CCN2: variants seen among roughly 807,000 people sequenced by gnomAD.
CCN2 encodes cellular communication network factor 2.
CCN2 carries 22 observed loss-of-function variants against 33.2 expected under a neutral mutation model. That is an observed-to-expected ratio of 0.66 (90% CI 0.47 to 0.95). The LOEUF (loss-of-function observed/expected upper bound fraction) is 0.95, where lower values mean the gene tolerates loss of function less well. Ranked by LOEUF, CCN2 falls within the 40% of genes least tolerant of loss-of-function variation. The pLI is 0.00. For missense variants in CCN2, 469 were observed against 498.8 expected (o/e 0.94, Z 0.57); for synonymous variants, 178 against 200.6 (o/e 0.89, Z 0.95).
chr6:131,951,322 A>T lies in CCN2; in HGVS notation c.-150T>A, dbSNP rs896719539. ...GCCGGGGCGGCTGCCGTCGAGCTGGAGGGTGGAGTCGCACTGGCTGTCTCC... is the reference window on the plus strand; with the variant it reads ...GCCGGGGCGGCTGCCGTCGAGCTGGTGGGTGGAGTCGCACTGGCTGTCTCC... On this transcript the variant is annotated 5_prime_UTR_variant, in exon 1 of 5. Coordinates refer to ENST00000367976, the MANE Select transcript of CCN2 (RefSeq NM_001901.4). The T allele has an allele frequency of 8.6e-6, 5 of 578,290 alleles. No individual in the cohort carries two copies. The highest frequency in any genetic ancestry group is 1.3e-5 in the Non-Finnish European group (5 of 397,918). 35.8% of individuals were successfully genotyped at this position (578,290 alleles called of 1,614,324 possible).
At position 131,950,873 on chromosome 6, in the gene CCN2, C is replaced by T. The variant is rs775004398; in HGVS notation, c.186G>A (p.Lys62=). 2.5e-5 allele frequency: 39 copies of T among 1,532,456 alleles called. No homozygotes were observed. The highest frequency in any genetic ancestry group is 3.1e-5 in the Non-Finnish European group (36 of 1,146,306). The allele number at this position is 1,532,456 out of a possible 1,614,324, so 94.9% of individuals were successfully genotyped here. A position where few individuals can be genotyped will look rare whatever the true frequency, so the allele number is the denominator to read the frequency against. The change falls in exon 2 of 5, where the codon AAG becomes AAA. Residue 62 remains lysine (K), a synonymous_variant. Coordinates refer to ENST00000367976, the MANE Select transcript of CCN2 (RefSeq NM_001901.4). The surrounding 1 kb of genome is among the most constrained non-coding windows in gnomAD (Gnocchi z 7.1). ...GCTCGGTGCACAGCTCGCCCAGCTG[C>T]TTGGCGCAGACGCGGCAGCAGCCGC... ...DGCGCCRVCA[K]QLGELCTERD...
Position 131,950,274 on chromosome 6 carries a change from G to C in CCN2, c.541+18C>G, listed in dbSNP as rs1312460189. The C allele has an allele frequency of 6.2e-7, 1 of 1,612,070 alleles. No homozygotes were observed. Among genetic ancestry groups the C allele is most frequent in the South Asian group, 1.1e-5 (1 of 91,016 alleles). On this transcript the variant is annotated intron_variant, in intron 3 of 4. Coordinates refer to ENST00000367976, the MANE Select transcript of CCN2 (RefSeq NM_001901.4). The surrounding 1 kb of genome is among the most constrained non-coding windows in gnomAD (Gnocchi z 7.1). The stretch of plus-strand genomic sequence containing the variant: ...GGGAGAGAATCACGACCCTGACTTA[G>C]AGGAAGACTCGACTCACCCGCGAGG...
Position 131,950,389 on chromosome 6 carries a change from G to A in CCN2, c.444C>T (p.Cys148=), listed in dbSNP as rs749700962. The A allele has an allele frequency of 1.9e-6, 3 of 1,614,108 alleles. No homozygotes were observed. Among genetic ancestry groups the A allele is most frequent in the African/African-American group, 1.3e-5 (1 of 75,052 alleles). Reference sequence around the variant, plus strand: ...GCAGCTTGACCCTCCTCGGGAAGGGGCAGTCAGGGCTGGGCAGACGAACGT... The same window carrying A: ...GCAGCTTGACCCTCCTCGGGAAGGGACAGTCAGGGCTGGGCAGACGAACGT... The part of the protein sequence containing the change: ...SMDVRLPSPD[C]PFPRRVKLPG... Residue 148 remains cysteine, a synonymous_variant, in exon 3 of 5, where the codon TGC becomes TGT. Coordinates refer to ENST00000367976, the MANE Select transcript of CCN2 (RefSeq NM_001901.4). This position sits in a 1 kb window ranked among gnomAD's most constrained non-coding sequence, Gnocchi z 7.1.
chr6:131,950,787 T>C lies in CCN2; in HGVS notation c.272A>G (p.Lys91Arg). 1 of 1,545,274 alleles carries C rather than the reference T, an allele frequency of 6.5e-7. No individual in the cohort carries two copies. Among genetic ancestry groups the C allele is most frequent in the Non-Finnish European group, 8.7e-7 (1 of 1,152,780 alleles). Residue 91 changes from lysine to arginine, a missense_variant, in exon 2 of 5, where the codon AAG becomes AGG. Transcript: ENST00000367976. The surrounding 1 kb of genome is among the most constrained non-coding windows in gnomAD (Gnocchi z 7.1). The part of the protein sequence containing the change: ...FCHFGSPANR[K>R]IGVCTAKDGA... The stretch of plus-strand genomic sequence containing the variant: ...GGTCTTACCGGTGCACACGCCGATC[T>C]TGCGGTTGGCCGGGGAGCCGAAGTG...
chr6:131,950,349 C>G lies in CCN2; in HGVS notation c.484G>C (p.Glu162Gln), dbSNP rs959044702. 2 of 1,614,178 alleles carry G rather than the reference C, an allele frequency of 1.2e-6. No homozygotes were observed. The highest frequency in any genetic ancestry group is 2.7e-5 in the African/African-American group (2 of 75,054). Reference protein sequence around the residue: ...RRVKLPGKCCEEWVCDEPKDQ... With the variant: ...RRVKLPGKCCQEWVCDEPKDQ... ...TTGGGCTCGTCACACACCCACTCCT[C>G]GCAGCATTTCCCGGGCAGCTTGACC... The change falls in exon 3 of 5, where the codon GAG becomes CAG. Residue 162 changes from glutamate (E) to glutamine (Q), a missense_variant. Physicochemically the swap from Glu to Gln is conservative, Grantham distance 29 (BLOSUM62 2). Coordinates refer to ENST00000367976, the MANE Select transcript of CCN2 (RefSeq NM_001901.4). The surrounding 1 kb of genome is among the most constrained non-coding windows in gnomAD (Gnocchi z 7.1).
Position 131,950,652 on chromosome 6 carries a change from G to T in CCN2, c.290-109C>A. On this transcript the variant is annotated intron_variant, in intron 2 of 4. Coordinates refer to ENST00000367976, the MANE Select transcript of CCN2 (RefSeq NM_001901.4). The surrounding 1 kb of genome is among the most constrained non-coding windows in gnomAD (Gnocchi z 7.1). ...CGAGTTGGGATCTGGGCTGCAGGGGGCGGGCTGGCAGCAGCTGGAGAAAGA... is the reference window on the plus strand; with the variant it reads ...CGAGTTGGGATCTGGGCTGCAGGGGTCGGGCTGGCAGCAGCTGGAGAAAGA... 1 of 1,523,308 alleles carries T rather than the reference G, an allele frequency of 6.6e-7. No individual in the cohort carries two copies. The highest frequency in any genetic ancestry group is 8.9e-7 in the Non-Finnish European group (1 of 1,123,768). 94.4% of individuals were successfully genotyped at this position (1,523,308 alleles called of 1,614,324 possible). A position where few individuals can be genotyped will look rare whatever the true frequency, so the allele number is the denominator to read the frequency against.
Position 131,949,458 on chromosome 6 carries a change from C to T in CCN2, c.856G>A (p.Val286Ile), listed in dbSNP as rs768182416. The T allele has an allele frequency of 7.4e-6, 12 of 1,614,068 alleles. No individual in the cohort carries two copies. Among genetic ancestry groups the T allele is most frequent in the African/African-American group, 5.3e-5 (4 of 74,928 alleles). ...GTGCAGCATCGGCCGTCGGTACATA[C>T]TCCACAGAATTTAGCTCGGTATGTC... is the stretch of plus-strand genomic sequence containing the variant. ...MKTYRAKFCG[V>I]CTDGRCCTPH... The change falls in exon 5 of 5, where the codon GTA becomes ATA. Residue 286 changes from valine to isoleucine, a missense_variant. Physicochemically the swap from Val to Ile is conservative, Grantham distance 29. Coordinates refer to ENST00000367976, the MANE Select transcript of CCN2 (RefSeq NM_001901.4).
chr6:131,949,602 A>G (rs1783071836), intron 4 of CCN2, 42 bp from the exon 5 acceptor site: 2 of 981,882 alleles, frequency 2.0e-6, no homozygotes, highest in Non-Finnish European at 3.0e-6. Context: ...AAAAAAAATC[A>G]GCGACTCTAC....
rs1298418697 is a variant in CCN2 at position 131,950,097 on chromosome 6, T to C, written c.605A>G (p.Gln202Arg). 1.2e-6 allele frequency: 2 copies of C among 1,614,262 alleles called. No homozygotes were observed. The highest frequency in any genetic ancestry group is 1.7e-6 in the Non-Finnish European group (2 of 1,180,040). ...GGAACAGGCGCTCCACTCTGTGGTC[T>C]GGACCAGGCAGTTGGCTCTAATCAT... is the stretch of plus-strand genomic sequence containing the variant. Reference protein sequence around the residue: ...PTMIRANCLVQTTEWSACSKT... With the variant: ...PTMIRANCLVRTTEWSACSKT... Residue 202 changes from glutamine (Q) to arginine (R), a missense_variant, in exon 4 of 5, where the codon CAG becomes CGG. Physicochemically the swap from Gln to Arg is conservative, Grantham distance 43. Coordinates refer to ENST00000367976, the MANE Select transcript of CCN2 (RefSeq NM_001901.4). The surrounding 1 kb of genome is among the most constrained non-coding windows in gnomAD (Gnocchi z 7.1).
At position 131,950,412 on chromosome 6, in the gene CCN2, C is replaced by T; in HGVS notation, c.421G>A (p.Val141Ile). Residue 141 changes from valine (V) to isoleucine (I), a missense_variant, in exon 3 of 5, where the codon GTT becomes ATT. Coordinates refer to ENST00000367976, the MANE Select transcript of CCN2 (RefSeq NM_001901.4). The surrounding 1 kb of genome is among the most constrained non-coding windows in gnomAD (Gnocchi z 7.1). ...VGCMPLCSMD[V>I]RLPSPDCPFP... The stretch of plus-strand genomic sequence containing the variant: ...GGGCAGTCAGGGCTGGGCAGACGAA[C>T]GTCCATGCTGCACAGGGGCATGCAG... 1 of 1,614,088 alleles carries T rather than the reference C, an allele frequency of 6.2e-7. No individual in the cohort carries two copies. The highest frequency in any genetic ancestry group is 8.5e-7 in the Non-Finnish European group (1 of 1,180,042).
In CCN2 at chr6:131,950,851, C is replaced by T. The variant is rs1295271748; in HGVS notation, c.208G>A (p.Glu70Lys). ...TTGTGCGGGTCGCATGGGTCGCGCT[C>T]GGTGCACAGCTCGCCCAGCTGCTTG... ...CAKQLGELCT[E>K]RDPCDPHKGL... Residue 70 changes from glutamate to lysine, a missense_variant, in exon 2 of 5, where the codon GAG becomes AAG. Coordinates refer to ENST00000367976, the MANE Select transcript of CCN2 (RefSeq NM_001901.4). The surrounding 1 kb of genome is among the most constrained non-coding windows in gnomAD (Gnocchi z 7.1). 3 of 1,535,348 alleles carry T rather than the reference C, an allele frequency of 2.0e-6. No individual in the cohort carries two copies. The highest frequency in any genetic ancestry group is 2.6e-6 in the Non-Finnish European group (3 of 1,147,752).
Position 131,950,827 on chromosome 6 carries a change from T to C in CCN2, c.232A>G (p.Lys78Glu). 1.9e-6 allele frequency: 3 copies of C among 1,542,572 alleles called. No individual in the cohort carries two copies. In the Admixed American group the frequency reaches 5.8e-5, roughly 30 times the overall value. Residue 78 changes from lysine to glutamate, a missense_variant, in exon 2 of 5, where the codon AAG (lysine) becomes GAG (glutamate). Physicochemically the swap from Lys to Glu is moderately conservative, Grantham distance 56. Coordinates refer to ENST00000367976, the MANE Select transcript of CCN2 (RefSeq NM_001901.4). This position sits in a 1 kb window ranked among gnomAD's most constrained non-coding sequence, Gnocchi z 7.1. ...GAGCCGAAGTGACAGAATAGGCCCTTGTGCGGGTCGCATGGGTCGCGCTCG... is the reference window on the plus strand; with the variant it reads ...GAGCCGAAGTGACAGAATAGGCCCTCGTGCGGGTCGCATGGGTCGCGCTCG... ...CTERDPCDPH[K>E]GLFCHFGSPA...
rs1783067614 is a variant in CCN2, at chr6:131,949,415, G to T, written c.899C>A (p.Thr300Asn). 2 of 1,614,220 alleles carry T rather than the reference G, an allele frequency of 1.2e-6. No homozygotes were observed. Among genetic ancestry groups the T allele is most frequent in the Middle Eastern group, 1.6e-4 (1 of 6,062 alleles). Residue 300 changes from threonine to asparagine, a missense_variant, in exon 5 of 5, where the codon ACC (threonine) becomes AAC (asparagine). Transcript: ENST00000367976. ...GRCCTPHRTT[T>N]LPVEFKCPDG... is the part of the protein sequence containing the mutation. ...AGGGCACTTGAACTCCACCGGCAGG[G>T]TGGTGGTTCTGTGGGGGGTGCAGCA...
Position 131,950,831 on chromosome 6 carries a change from C to A in CCN2, c.228G>T (p.Pro76=). The change falls in exon 2 of 5, where the codon CCG becomes CCT. Residue 76 remains proline (P), a synonymous_variant. Transcript: ENST00000367976. The surrounding 1 kb of genome is among the most constrained non-coding windows in gnomAD (Gnocchi z 7.1). ...ELCTERDPCD[P]HKGLFCHFGS... ...CGAAGTGACAGAATAGGCCCTTGTG[C>A]GGGTCGCATGGGTCGCGCTCGGTGC... 1 of 1,539,322 alleles carries A rather than the reference C, an allele frequency of 6.5e-7. No individual in the cohort carries two copies. Among genetic ancestry groups the A allele is most frequent in the African/African-American group, 1.4e-5 (1 of 73,342 alleles).
At position 131,950,889 on chromosome 6, in the gene CCN2, C is replaced by G; in HGVS notation, c.170G>C (p.Cys57Ser). ...VSLVLDGCGC[C>S]RVCAKQLGEL... is the part of the protein sequence containing the mutation. Reference sequence around the variant, plus strand: ...GCCCAGCTGCTTGGCGCAGACGCGGCAGCAGCCGCAGCCGTCCAGCACGAG... The same window carrying G: ...GCCCAGCTGCTTGGCGCAGACGCGGGAGCAGCCGCAGCCGTCCAGCACGAG... The change falls in exon 2 of 5, where the codon TGC becomes TCC. Residue 57 changes from cysteine to serine, a missense_variant. Transcript: ENST00000367976. This position sits in a 1 kb window ranked among gnomAD's most constrained non-coding sequence, Gnocchi z 7.1. 6.5e-7 allele frequency: 1 copy of G among 1,529,168 alleles called. No homozygotes were observed. The highest frequency in any genetic ancestry group is 8.7e-7 in the Non-Finnish European group (1 of 1,144,764). The allele number at this position is 1,529,168 out of a possible 1,614,324, so 94.7% of individuals were successfully genotyped here.
Position 131,950,642 on chromosome 6 carries a change from G to C in CCN2, c.290-99C>G. ...GTCAGGGATGCGAGTTGGGATCTGG[G>C]CTGCAGGGGGCGGGCTGGCAGCAGC... On this transcript the variant is annotated intron_variant, in intron 2 of 4. Transcript: ENST00000367976. The surrounding 1 kb of genome is among the most constrained non-coding windows in gnomAD (Gnocchi z 7.1). The C allele has an allele frequency of 6.5e-7, 1 of 1,537,864 alleles. No homozygotes were observed. Among genetic ancestry groups the C allele is most frequent in the Non-Finnish European group, 8.8e-7 (1 of 1,133,080 alleles).
In CCN2 at chr6:131,950,102, C is replaced by T. The variant is rs747469035; in HGVS notation, c.600G>A (p.Leu200=). Residue 200 remains leucine, a synonymous_variant, in exon 4 of 5, where the codon CTG becomes CTA. Transcript: ENST00000367976. This position sits in a 1 kb window ranked among gnomAD's most constrained non-coding sequence, Gnocchi z 7.1. ...PDPTMIRANC[L]VQTTEWSACS... is the part of the protein sequence containing the mutation. Reference sequence around the variant, plus strand: ...AGGCGCTCCACTCTGTGGTCTGGACCAGGCAGTTGGCTCTAATCATAGTTG... The same window carrying T: ...AGGCGCTCCACTCTGTGGTCTGGACTAGGCAGTTGGCTCTAATCATAGTTG... The T allele has an allele frequency of 6.2e-6, 10 of 1,614,128 alleles. No individual in the cohort carries two copies. The Admixed American group carries it at 8.3e-5, about 13-fold the overall frequency.
Position 131,949,116 on chromosome 6 carries a change from A to C in CCN2, c.*148T>G. 1 of 706,882 alleles carries C rather than the reference A, an allele frequency of 1.4e-6. No individual in the cohort carries two copies. The highest frequency in any genetic ancestry group is 2.5e-5 in the Admixed American group (1 of 40,144). 43.8% of individuals were successfully genotyped at this position (706,882 alleles called of 1,614,324 possible). A position where few individuals can be genotyped will look rare whatever the true frequency, so the allele number is the denominator to read the frequency against. On this transcript the variant is annotated 3_prime_UTR_variant, in exon 5 of 5. Transcript: ENST00000367976. ...ATAGACTATTTGTTTGACATGGCAC[A>C]ATGTTTTGAATTGGGTGGGAATCTT...
Position 131,950,590 on chromosome 6 carries a change from G to A in CCN2, c.290-47C>T. 6.3e-7 allele frequency: 1 copy of A among 1,594,882 alleles called. No homozygotes were observed. The highest frequency in any genetic ancestry group is 8.6e-7 in the Non-Finnish European group (1 of 1,169,352). On this transcript the variant is annotated intron_variant, in intron 2 of 4. Transcript: ENST00000367976. The surrounding 1 kb of genome is among the most constrained non-coding windows in gnomAD (Gnocchi z 7.1). ...GAGGGGTGGGGGATGCAGAGGTCAGGCATTGGGGCACTCTCACATCCAGAG... is the reference window on the plus strand; with the variant it reads ...GAGGGGTGGGGGATGCAGAGGTCAGACATTGGGGCACTCTCACATCCAGAG...
Sources: gnomAD v4.1 joint callset for allele counts on GRCh38, gnomAD v4.1.1 for gene constraint, Gnocchi (gnomAD v3.1) non-coding constraint, MANE v1.5 for transcripts, NCBI Gene and HGNC (gene_info 2026-07-23, HGNC 2026-07-21) for gene names.